ASTN1: variants seen among roughly 807,000 people sequenced by gnomAD.
ASTN1 encodes astrotactin 1.
ASTN1 carries 41 observed loss-of-function variants against 140.7 expected under a neutral mutation model. The ratio of observed to expected loss-of-function variants is 0.29; its 90% CI spans 0.23 to 0.38. The LOEUF (loss-of-function observed/expected upper bound fraction) is 0.38. ASTN1 is among the 10% of genes least tolerant of loss of function. The pLI, the probability that ASTN1 is intolerant of heterozygous loss-of-function variation, is 1.00. For missense variants in ASTN1, 1,479 were observed against 1,678.8 expected (o/e 0.88, Z 2.08); for synonymous variants, 640 against 652.2 (o/e 0.98, Z 0.29).
intron 1 of ASTN1, among the ~76,000 whole-genome samples, chr1:177,087,428 C>A (rs2102092843): frequency 6.6e-6 from 1 of 152,254 alleles, no homozygotes; most frequent in South Asian, 2.1e-4. Context: ...CCATGAATAG[C>A]CATCCTCAGC....
At chr1:177,141,612 C>T (rs936972721) in intron 1 of ASTN1, among the ~76,000 whole-genome samples, 1 of 152,108 alleles carries the variant, frequency 6.6e-6, no homozygotes, top group Non-Finnish European at 1.5e-5. Context: ...CCATGGAAAC[C>T]TGATATTTGG....
At chr1:177,021,523 C>T (rs1049448901) in intron 7 of ASTN1, among the ~76,000 whole-genome samples, 3 of 152,170 alleles carry the variant, frequency 2.0e-5, no homozygotes, top group Admixed American at 6.5e-5. Flanking sequence ...TATAATCCCA[C>T]CTTTGCAGAT....
chr1:177,017,646 A>G (rs1675625588), intron 7 of ASTN1, among the ~76,000 whole-genome samples: 1 of 152,228 alleles, frequency 6.6e-6, no homozygotes, highest in African/African-American at 2.4e-5. Flanking sequence ...TGGTGTACAT[A>G]GGACTCCAAC....
intron 1 of ASTN1, among the ~76,000 whole-genome samples, chr1:177,095,440 A>T (rs75533359): frequency 0.03 from 4,562 of 152,238 alleles, 112 homozygotes; most frequent in East Asian, 0.1. Context: ...CAGCCCAGAG[A>T]GCAAGGGCCT....
chr1:177,161,316 A>G (rs894042181), intron 1 of ASTN1, among the ~76,000 whole-genome samples: 1 of 152,202 alleles, frequency 6.6e-6, no homozygotes, highest in East Asian at 1.9e-4. Context: ...TGCCATATGC[A>G]TGCCATTTCC....
At chr1:177,145,263 C>T (rs1432723674) in intron 1 of ASTN1, among the ~76,000 whole-genome samples, 1 of 152,288 alleles carries the variant, frequency 6.6e-6, no homozygotes. Context: ...ATCTCCTACC[C>T]TTTAATACCA....
intron 19 of ASTN1, among the ~76,000 whole-genome samples, chr1:176,883,382 GC>G (rs1668891298): frequency 6.6e-6 from 1 of 152,210 alleles, no homozygotes; most frequent in Admixed American, 6.5e-5. Flanking sequence ...ACAGGCACAT[GC>G]CGGGGTTTCA....
intron 2 of ASTN1, among the ~76,000 whole-genome samples, chr1:177,047,747 A>T (rs965829772): frequency 6.6e-6 from 1 of 152,170 alleles, no homozygotes; most frequent in African/African-American, 2.4e-5. Flanking sequence ...AAAGGAAGGC[A>T]CAAGAAGAGG....
intron 17 of ASTN1, among the ~76,000 whole-genome samples, chr1:176,890,659 G>A (rs926531028): frequency 6.6e-6 from 1 of 152,204 alleles, no homozygotes; most frequent in African/African-American, 2.4e-5. Context: ...AAATACCTGT[G>A]ATGACAAATA....
At chr1:176,955,406 C>T (rs1431226955) in intron 11 of ASTN1, among the ~76,000 whole-genome samples, 3 of 152,190 alleles carry the variant, frequency 2.0e-5, no homozygotes, top group African/African-American at 7.2e-5. Flanking sequence ...AATCAGCTCT[C>T]ACCCATCCAT....
At position 176,882,683 on chromosome 1, in the gene ASTN1, C is replaced by T. The variant is rs139212668; in HGVS notation, c.3362+176G>A. Among the ~76,000 whole-genome samples, 815 of 152,284 alleles carry T rather than the reference C, an allele frequency of 5.4e-3. 5 individuals carry two copies. The highest frequency in any genetic ancestry group is 0.018 in the African/African-American group (760 of 41,542). ...GACCGTATTATCTTTCTAGATCCCCCCATTCCAGTGTCTAAGTACTCGAGA... is the reference window on the plus strand; with the variant it reads ...GACCGTATTATCTTTCTAGATCCCCTCATTCCAGTGTCTAAGTACTCGAGA... On this transcript the variant is annotated intron_variant, in intron 20 of 22. Transcript: ENST00000361833.
chr1:177,015,970 G>A (rs957859102), intron 7 of ASTN1, among the ~76,000 whole-genome samples: 2 of 152,214 alleles, frequency 1.3e-5, no homozygotes, highest in Admixed American at 6.5e-5. Context: ...AAATAACAAA[G>A]GTGCCATGCC....
At chr1:176,921,159 A>T (rs1035851913) in intron 16 of ASTN1, among the ~76,000 whole-genome samples, 4 of 152,210 alleles carry the variant, frequency 2.6e-5, no homozygotes, top group African/African-American at 9.6e-5. Context: ...TCAAAAAATG[A>T]GTTACTTACC....
intron 11 of ASTN1, among the ~76,000 whole-genome samples, chr1:176,950,525 G>A (rs1672150614): frequency 6.6e-6 from 1 of 152,058 alleles, no homozygotes; most frequent in African/African-American, 2.4e-5. Flanking sequence ...CTATTTAGAG[G>A]TAAGGACACC....
chr1:177,020,996 C>A lies in ASTN1; in HGVS notation c.1438+2408G>T, dbSNP rs529017940. 3.3e-5 allele frequency among the ~76,000 whole-genome samples: 5 copies of A among 152,290 alleles called. No individual in the cohort carries two copies. In the South Asian group the frequency reaches 1.0e-3, roughly 32 times the overall value. On this transcript the variant is annotated intron_variant, in intron 7 of 22. Coordinates refer to ENST00000361833, the MANE Select transcript of ASTN1 (RefSeq NM_004319.3). ...TCCAAGTAAGCTAGCTAGAGGATTT[C>A]AAAAATAACGTCGACTTGACTTGAA...
At chr1:177,087,676 A>G (rs1464089055) in intron 1 of ASTN1, among the ~76,000 whole-genome samples, 14 of 152,216 alleles carry the variant, frequency 9.2e-5, no homozygotes, top group Admixed American at 9.2e-4. Context: ...TGTTTCACGC[A>G]GACCAACTTT....
At chr1:177,054,833 G>C (rs772578018) in intron 2 of ASTN1, among the ~76,000 whole-genome samples, 1 of 152,140 alleles carries the variant, frequency 6.6e-6, no homozygotes, top group African/African-American at 2.4e-5. Context: ...ACTAGACAAA[G>C]AAGCTAATTC....
chr1:176,985,363 C>T (rs1297117195), intron 8 of ASTN1, among the ~76,000 whole-genome samples: 1 of 152,126 alleles, frequency 6.6e-6, no homozygotes, highest in Non-Finnish European at 1.5e-5. Flanking sequence ...CTCTCCTCTC[C>T]TCTCTCCCCC....
intron 11 of ASTN1, among the ~76,000 whole-genome samples, chr1:176,955,541 C>G (rs1672366141): frequency 6.6e-6 from 1 of 152,254 alleles, no homozygotes; most frequent in Non-Finnish European, 1.5e-5. Flanking sequence ...AAGTGTTATG[C>G]TAATACCAAG....
Sources: gnomAD v4.1 joint callset for allele counts (sites outside exome capture counted in the v4.1 genomes callset) on GRCh38, gnomAD v4.1.1 for gene constraint, MANE v1.5 for transcripts, NCBI Gene and HGNC (gene_info 2026-07-23, HGNC 2026-07-21) for gene names.